The following CORO1C variants were observed in gnomAD, a reference collection of about 807,000 sequenced individuals.
CORO1C encodes coronin 1C.
Under a neutral mutation model 51.2 loss-of-function variants are expected in CORO1C, and 14 were observed. The observed-to-expected ratio is 0.27, with a 90% CI of 0.18 to 0.43. The LOEUF is 0.43. CORO1C is among the 20% of genes least tolerant of loss of function. The probability of loss-of-function intolerance (pLI) is 1.00; values close to 1 mark genes in which losing one functional copy is unlikely to be tolerated. For synonymous variants in CORO1C, 181 were observed against 210.5 expected, an observed-to-expected ratio of 0.86 and a Z score of 1.21; for missense variants, 417 against 607.8, an observed-to-expected ratio of 0.69 and a Z score of 3.30.
intron 6 of CORO1C, among the ~76,000 whole-genome samples, chr12:108,654,842 TAG>T (rs1294146166): frequency 2.0e-5 from 3 of 151,972 alleles, no homozygotes; most frequent in Non-Finnish European, 2.9e-5. Flanking sequence ...GCTGGGATTA[TAG>T]ATAGGCACAT....
At chr12:108,707,069 A>T (rs1398070211) in intron 1 of CORO1C, among the ~76,000 whole-genome samples, 1 of 152,250 alleles carries the variant, frequency 6.6e-6, no homozygotes, top group Non-Finnish European at 1.5e-5. Flanking sequence ...GAAATTCCAC[A>T]TTCAAAAATC....
intron 1 of CORO1C, among the ~76,000 whole-genome samples, chr12:108,720,832 A>T (rs1010306486): frequency 6.6e-6 from 1 of 152,144 alleles, no homozygotes; most frequent in Non-Finnish European, 1.5e-5. Context: ...AAATATTTAC[A>T]ATTAGTAGTC....
intron 2 of CORO1C, among the ~76,000 whole-genome samples, chr12:108,687,739 C>T (rs1320841857): frequency 2.0e-5 from 3 of 151,666 alleles, no homozygotes; most frequent in South Asian, 2.1e-4. Flanking sequence ...GAGCCAAGAT[C>T]GCGCCAGTGT....
intron 3 of CORO1C, among the ~76,000 whole-genome samples, chr12:108,663,730 T>C (rs1257845908): frequency 1.3e-5 from 2 of 152,308 alleles, no homozygotes; most frequent in South Asian, 2.1e-4. Flanking sequence ...TGGGTTTCTA[T>C]ATGAGGTGAT....
intron 1 of CORO1C, among the ~76,000 whole-genome samples, chr12:108,724,364 CAACT>C (rs1391059422): frequency 1.4e-4 from 22 of 152,202 alleles, no homozygotes; most frequent in Non-Finnish European, 2.9e-4. Flanking sequence ...TAAATTCACA[CAACT>C]AACTATAAAA....
chr12:108,730,792 C>T, intron 1 of CORO1C: 1 of 153,766 alleles, frequency 6.5e-6, no homozygotes, highest in Non-Finnish European at 1.4e-5. Flanking sequence ...CAGCTCTGCC[C>T]CGCCCCGCCT....
chr12:108,666,213 A>G (rs937324749), intron 3 of CORO1C, among the ~76,000 whole-genome samples: 1 of 152,244 alleles, frequency 6.6e-6, no homozygotes, highest in African/African-American at 2.4e-5. Context: ...TAAAAAGTGC[A>G]TGCAGCATTT....
chr12:108,695,160 C>A, intron 2 of CORO1C, among the ~76,000 whole-genome samples: 1 of 152,294 alleles, frequency 6.6e-6, no homozygotes, highest in South Asian at 2.1e-4. Context: ...GCTGGTTGAG[C>A]TGGTGCTGGC....
chr12:108,706,269 T>C (rs997938649), intron 1 of CORO1C, among the ~76,000 whole-genome samples: 8 of 149,260 alleles, frequency 5.4e-5, no homozygotes, highest in African/African-American at 1.5e-4. Flanking sequence ...AAACTAGGAA[T>C]AGAAGGGAAT....
intron 8 of CORO1C, among the ~76,000 whole-genome samples, chr12:108,650,021 G>C (rs1373256257): frequency 2.0e-5 from 3 of 152,168 alleles, no homozygotes; most frequent in Admixed American, 6.5e-5. Context: ...CAACCTGGCA[G>C]ATACACTGCT....
At chr12:108,660,821 T>C (rs531556161) in intron 4 of CORO1C, among the ~76,000 whole-genome samples, 1 of 152,312 alleles carries the variant, frequency 6.6e-6, no homozygotes, top group Non-Finnish European at 1.5e-5. Context: ...GATTCCCAAG[T>C]ATAGTCGATG....
chr12:108,685,550 A>G (rs2034264458), intron 2 of CORO1C, among the ~76,000 whole-genome samples: 1 of 151,802 alleles, frequency 6.6e-6, no homozygotes, highest in African/African-American at 2.4e-5. Context: ...AAGATCTAAA[A>G]TATCACTGAC....
Position 108,697,955 on chromosome 12 carries a change from C to T in CORO1C, c.195+3169G>A, listed in dbSNP as rs367563419. Among the ~76,000 whole-genome samples the T allele has an allele frequency of 9.2e-5, 14 of 152,304 alleles. No homozygotes were observed. The East Asian group carries it at 2.3e-3, about 25-fold the overall frequency. ...GGTAGACATCAAGAAGGCAGTCAGC[C>T]CCATAGAGAAATGTAGGTTTTCTGA... On this transcript the variant is annotated intron_variant, in intron 2 of 10. Coordinates refer to ENST00000261401, the MANE Select transcript of CORO1C (RefSeq NM_014325.4).
At chr12:108,696,386 G>C (rs1592919670) in intron 2 of CORO1C, 2 of 147,478 alleles carry the variant, frequency 1.4e-5, no homozygotes, top group Admixed American at 1.3e-4. Flanking sequence ...TTACAGGCTT[G>C]TTGTGATATG....
At chr12:108,682,031 G>C (rs946649134) in intron 2 of CORO1C, among the ~76,000 whole-genome samples, 4 of 145,282 alleles carry the variant, frequency 2.8e-5, no homozygotes, top group African/African-American at 1.0e-4. Context: ...GAAAGAGAGA[G>C]AATGTATAAT....
At chr12:108,670,773 CTG>C (rs2033685349) in intron 3 of CORO1C, among the ~76,000 whole-genome samples, 1 of 151,780 alleles carries the variant, frequency 6.6e-6, no homozygotes, top group South Asian at 2.1e-4. Flanking sequence ...CAATATAAGA[CTG>C]CTAAAAAGAC....
At chr12:108,680,591 G>A (rs984030939) in intron 2 of CORO1C, among the ~76,000 whole-genome samples, 17 of 152,114 alleles carry the variant, frequency 1.1e-4, no homozygotes, top group African/African-American at 4.1e-4. Context: ...CCTCAACCTC[G>A]GTTCCTCATC....
intron 2 of CORO1C, among the ~76,000 whole-genome samples, chr12:108,683,976 G>A (rs1037430439): frequency 1.3e-5 from 2 of 152,180 alleles, no homozygotes; most frequent in African/African-American, 4.8e-5. Context: ...AAATACTGAT[G>A]CAAAGCTCCT....
At chr12:108,657,488 C>T (rs1565903879) in intron 5 of CORO1C, 65 bp from the exon 6 acceptor site, 26 of 1,570,482 alleles carry the variant, frequency 1.7e-5, no homozygotes, top group East Asian at 2.3e-5. Flanking sequence ...TGGAGAAACT[C>T]GGGCACAGAT....
Sources: allele counts gnomAD v4.1 joint callset (sites outside exome capture counted in the v4.1 genomes callset), GRCh38; gene constraint gnomAD v4.1.1; transcripts MANE v1.5; gene names NCBI Gene and HGNC (gene_info 2026-07-23, HGNC 2026-07-21).